Variants in RBMS3 observed in about 807,000 individuals in gnomAD.
The protein encoded by RBMS3 is RNA-binding motif, single-stranded-interacting protein 3.
A neutral mutation model predicts 66.8 loss-of-function variants in RBMS3; 27 were observed. The ratio of observed to expected loss-of-function variants is 0.40; its 90% CI spans 0.30 to 0.56. The LOEUF is 0.56. Among genes scored for constraint, RBMS3 ranks in the 20% least tolerant of loss-of-function variants. The pLI, the probability that RBMS3 is intolerant of heterozygous loss-of-function variation, is 0.40. For missense variants in RBMS3, 513 were observed against 549.5 expected (o/e 0.93, Z 0.66); for synonymous variants, 188 against 183.0 (o/e 1.03, Z -0.22).
At chr3:29,890,210 A>C (rs1483597107) in intron 8 of RBMS3, among the ~76,000 whole-genome samples, 2 of 151,678 alleles carry the variant, frequency 1.3e-5, no homozygotes, top group Middle Eastern at 3.2e-3. Context: ...CAGTAGAACA[A>C]CCATTTCTAT....
chr3:29,829,682 G>A (rs1167130436), intron 6 of RBMS3, among the ~76,000 whole-genome samples: 2 of 152,132 alleles, frequency 1.3e-5, no homozygotes, highest in African/African-American at 2.4e-5. Context: ...TAGAGTTGAT[G>A]CTGATGAAAC....
Position 29,281,716 on chromosome 3 carries a change from C to T in RBMS3, c.35C>T (p.Pro12Leu), listed in dbSNP as rs987585051. 15 of 1,613,422 alleles carry T rather than the reference C, an allele frequency of 9.3e-6. No homozygotes were observed. The highest frequency in any genetic ancestry group is 1.3e-5 in the African/African-American group (1 of 74,860). ...CGCCTGGATCAGCCACAAATGTACC[C>T]CCAGTACACTTACTACTATCCTCAT... ...GKRLDQPQMY[P>L]QYTYYYPHYL... Residue 12 changes from proline (P) to leucine (L), a missense_variant, in exon 1 of 15, where the codon CCC becomes CTC. Coordinates refer to ENST00000383767, the MANE Select transcript of RBMS3 (RefSeq NM_001003793.3).
intron 6 of RBMS3, among the ~76,000 whole-genome samples, chr3:29,862,291 A>AG (rs2059234685): frequency 6.6e-6 from 1 of 152,154 alleles, no homozygotes; most frequent in Non-Finnish European, 1.5e-5. Flanking sequence ...TGATGAGTCC[A>AG]GTGCTGCTGG....
At chr3:29,725,637 C>T (rs778936329) in intron 4 of RBMS3, among the ~76,000 whole-genome samples, 8 of 152,126 alleles carry the variant, frequency 5.3e-5, no homozygotes, top group Non-Finnish European at 1.2e-4. Flanking sequence ...TGGCCACATA[C>T]ATCATCCCAA....
At chr3:29,386,264 CTAT>C (rs1046876001) in intron 1 of RBMS3, among the ~76,000 whole-genome samples, 32 of 151,866 alleles carry the variant, frequency 2.1e-4, no homozygotes, top group African/African-American at 6.8e-4. Context: ...GCCACGCAAC[CTAT>C]TATATTTTTC....
chr3:29,984,915 A>C (rs1008102746), intron 12 of RBMS3, among the ~76,000 whole-genome samples: 3 of 152,098 alleles, frequency 2.0e-5, no homozygotes, highest in Non-Finnish European at 4.4e-5. Flanking sequence ...TGAGGAGGCA[A>C]AGCTCAAGCG....
intron 7 of RBMS3, 47 bp from the exon 8 acceptor site, chr3:29,884,115 A>G (rs768102796): frequency 6.5e-7 from 1 of 1,544,230 alleles, no homozygotes; most frequent in Non-Finnish European, 8.9e-7. Context: ...GGGCACCACA[A>G]TAAAAACGTT....
Position 29,693,226 on chromosome 3 carries a change from C to T in RBMS3, c.400-46494C>T, listed in dbSNP as rs371805192. ...GACAAATACCCATCAGAAAACATTC[C>T]TTGAAAATGCATAATTGTGATGTGT... On this transcript the variant is annotated intron_variant, in intron 4 of 14. Transcript: ENST00000383767. 7.9e-5 allele frequency among the ~76,000 whole-genome samples: 12 copies of T among 152,210 alleles called. No individual in the cohort carries two copies. The East Asian group carries it at 9.6e-4, about 12-fold the overall frequency.
chr3:29,986,906 G>A (rs1698427200), intron 12 of RBMS3, among the ~76,000 whole-genome samples: 1 of 152,144 alleles, frequency 6.6e-6, no homozygotes, highest in South Asian at 2.1e-4. Flanking sequence ...TCACGCCCCT[G>A]CACTCCATTC....
At chr3:29,351,813 C>A (rs1430985296) in intron 1 of RBMS3, among the ~76,000 whole-genome samples, 1 of 151,908 alleles carries the variant, frequency 6.6e-6, no homozygotes, top group East Asian at 1.9e-4. Context: ...TGAATAAATG[C>A]AACCATTCTT....
At chr3:29,701,265 G>A (rs553936655) in intron 4 of RBMS3, among the ~76,000 whole-genome samples, 4 of 151,704 alleles carry the variant, frequency 2.6e-5, no homozygotes, top group South Asian at 2.1e-4. Flanking sequence ...CAATAAGAGC[G>A]AGACTCTGTC....
intron 4 of RBMS3, among the ~76,000 whole-genome samples, chr3:29,594,649 T>C (rs2149106261): frequency 6.6e-6 from 1 of 152,038 alleles, no homozygotes; most frequent in Admixed American, 6.5e-5. Context: ...AAGAAATACT[T>C]ACTGGCTGGT....
chr3:29,740,947 A>T (rs2054613189), intron 5 of RBMS3, among the ~76,000 whole-genome samples: 1 of 151,502 alleles, frequency 6.6e-6, no homozygotes. Context: ...AGGCTGAGGC[A>T]GGAGAATCAC....
At chr3:29,770,299 T>C (rs76266973) in intron 6 of RBMS3, among the ~76,000 whole-genome samples, 29 of 152,050 alleles carry the variant, frequency 1.9e-4, no homozygotes, top group African/African-American at 6.8e-4. Flanking sequence ...TGGCATAATA[T>C]TGTTGCTCAT....
At chr3:29,296,539 A>G (rs192828376) in intron 1 of RBMS3, among the ~76,000 whole-genome samples, 4 of 151,862 alleles carry the variant, frequency 2.6e-5, no homozygotes, top group East Asian at 2.0e-4. Flanking sequence ...TCTAGCCTGT[A>G]CTTGATATGT....
rs749839563 is a variant in RBMS3 at position 29,648,263 on chromosome 3, A to ATTTTTTTTTTTTTTTTTT, written c.399+61063_399+61080dup. Among the ~76,000 whole-genome samples, 33 of 77,642 alleles carry ATTTTTTTTTTTTTTTTTT rather than the reference A, an allele frequency of 4.3e-4. 2 individuals carry two copies. The highest frequency in any genetic ancestry group is 1.0e-3 in the South Asian group (2 of 2,002). 50.9% of individuals were successfully genotyped at this position (77,642 alleles called of 152,430 possible). A position where few individuals can be genotyped will look rare whatever the true frequency, so the allele number is the denominator to read the frequency against. The stretch of plus-strand genomic sequence containing the variant: ...AACATAGGGAAAATAGAAAATGTCT[A>ATTTTTTTTTTTTTTTTTT]TTTTTTTTTTTTTTTTTTTTTTGCG... On this transcript the variant is annotated intron_variant, in intron 4 of 14. Transcript: ENST00000383767.
chr3:29,813,168 A>T (rs2057776320), intron 6 of RBMS3, among the ~76,000 whole-genome samples: 1 of 152,140 alleles, frequency 6.6e-6, no homozygotes, highest in African/African-American at 2.4e-5. Context: ...ACCTTTTCAT[A>T]GGCCCTTAAC....
At position 29,326,128 on chromosome 3, in the gene RBMS3, C is replaced by A. The variant is rs571713593; in HGVS notation, c.75+44372C>A. Among the ~76,000 whole-genome samples, 3 of 152,262 alleles carry A rather than the reference C, an allele frequency of 2.0e-5. No individual in the cohort carries two copies. The South Asian group carries it at 6.2e-4, about 32-fold the overall frequency. ...GCTTTCCTTGCAGGTCTAATGTCTT[C>A]ATTGCCACCAAATTTATCTTTCTAC... On this transcript the variant is annotated intron_variant, in intron 1 of 14. Coordinates refer to ENST00000383767, the MANE Select transcript of RBMS3 (RefSeq NM_001003793.3).
intron 2 of RBMS3, among the ~76,000 whole-genome samples, chr3:29,478,063 C>G (rs953205118): frequency 6.6e-6 from 1 of 152,140 alleles, no homozygotes; most frequent in South Asian, 2.1e-4. Flanking sequence ...GCCACCACAC[C>G]CAGCGCAAAG....
Sources: allele counts gnomAD v4.1 joint callset (sites outside exome capture counted in the v4.1 genomes callset), GRCh38; gene constraint gnomAD v4.1.1; transcripts MANE v1.5; gene names NCBI Gene and HGNC (gene_info 2026-07-23, HGNC 2026-07-21).